Variants in PTPRT observed in about 807,000 individuals in gnomAD.
PTPRT encodes the protein receptor-type tyrosine-protein phosphatase T.
Under a neutral mutation model 176.8 loss-of-function variants are expected in PTPRT, and 56 were observed. The observed-to-expected ratio is 0.32, with a 90% CI of 0.26 to 0.40. The LOEUF (loss-of-function observed/expected upper bound fraction) is 0.40, where lower values mean the gene tolerates loss of function less well. PTPRT is among the 10% of genes least tolerant of loss of function. The pLI, the probability that PTPRT is intolerant of heterozygous loss-of-function variation, is 1.00. For synonymous variants in PTPRT, 783 were observed against 739.0 expected, an observed-to-expected ratio of 1.06 and a Z score of -0.96; for missense variants, 1,540 against 1,908.2, an observed-to-expected ratio of 0.81 and a Z score of 3.60.
intron 1 of PTPRT, among the ~76,000 whole-genome samples, chr20:43,101,242 T>C (rs2012381523): frequency 6.6e-6 from 1 of 152,112 alleles, no homozygotes. Context: ...CAGGATTTGC[T>C]GGGGGGAGAT....
intron 6 of PTPRT, among the ~76,000 whole-genome samples, chr20:42,755,839 T>C (rs978570351): frequency 6.6e-6 from 1 of 152,184 alleles, no homozygotes; most frequent in Non-Finnish European, 1.5e-5. Context: ...TTGGATGAGA[T>C]AGCATACGAT....
intron 4 of PTPRT, among the ~76,000 whole-genome samples, chr20:42,778,412 G>A (rs2077167805): frequency 1.3e-5 from 2 of 152,102 alleles, no homozygotes; most frequent in South Asian, 4.1e-4. Context: ...CAGGTAGAGA[G>A]ACTCATGCTA....
intron 11 of PTPRT, among the ~76,000 whole-genome samples, chr20:42,332,012 C>T (rs2057972103): frequency 6.6e-6 from 1 of 151,814 alleles, no homozygotes. Context: ...ATATTCTTCA[C>T]CACCTCATAC....
At chr20:43,055,502 T>C (rs1987200547) in intron 1 of PTPRT, among the ~76,000 whole-genome samples, 1 of 152,182 alleles carries the variant, frequency 6.6e-6, no homozygotes, top group African/African-American at 2.4e-5. Context: ...CTTCTAGTGA[T>C]TGTGGGCTGG....
intron 9 of PTPRT, among the ~76,000 whole-genome samples, chr20:42,384,823 C>T (rs1367190404): frequency 4.6e-5 from 7 of 152,186 alleles, no homozygotes; most frequent in Admixed American, 4.6e-4. Flanking sequence ...TTTTGATTTG[C>T]ACTTCCATGA....
chr20:42,568,086 A>T (rs2073078113), intron 7 of PTPRT, among the ~76,000 whole-genome samples: 1 of 151,324 alleles, frequency 6.6e-6, no homozygotes, highest in South Asian at 2.1e-4. Flanking sequence ...TCCCTGCCTC[A>T]GGCTCCCGAG....
At chr20:43,019,493 T>C (rs1985546976) in intron 1 of PTPRT, among the ~76,000 whole-genome samples, 2 of 151,512 alleles carry the variant, frequency 1.3e-5, no homozygotes, top group South Asian at 2.1e-4. Context: ...GTGGTGCATG[T>C]CTGTAATCCC....
At chr20:43,072,972 G>A (rs539128620) in intron 1 of PTPRT, among the ~76,000 whole-genome samples, 1 of 152,266 alleles carries the variant, frequency 6.6e-6, no homozygotes, top group East Asian at 1.9e-4. Flanking sequence ...CAAGGCAGAA[G>A]CTGATTTGAA....
intron 1 of PTPRT, among the ~76,000 whole-genome samples, chr20:43,185,112 T>C (rs946455794): frequency 1.3e-5 from 2 of 152,238 alleles, no homozygotes; most frequent in African/African-American, 2.4e-5. Flanking sequence ...TAAGATTTCA[T>C]GAGACACGCT....
chr20:42,052,189 C>G, the PTPRT span, among the ~76,000 whole-genome samples: 2 of 152,208 alleles, frequency 1.3e-5, no homozygotes, highest in Non-Finnish European at 2.9e-5. Flanking sequence ...GGGCACACAT[C>G]TATGCAGCAA....
At chr20:42,204,181 G>A (rs1444837855) in intron 15 of PTPRT, among the ~76,000 whole-genome samples, 1 of 152,118 alleles carries the variant, frequency 6.6e-6, no homozygotes, top group Non-Finnish European at 1.5e-5. Flanking sequence ...AAATATTTTG[G>A]GCGGTAACTT....
At chr20:42,764,225 G>C (rs1324852265) in intron 5 of PTPRT, among the ~76,000 whole-genome samples, 1 of 152,088 alleles carries the variant, frequency 6.6e-6, no homozygotes, top group Non-Finnish European at 1.5e-5. Flanking sequence ...AAAGCACTGG[G>C]GACATTTACA....
At chr20:43,108,113 G>C (rs2012697189) in intron 1 of PTPRT, among the ~76,000 whole-genome samples, 1 of 152,228 alleles carries the variant, frequency 6.6e-6, no homozygotes, top group Non-Finnish European at 1.5e-5. Flanking sequence ...CTATCCACCT[G>C]AGGATGGGTG....
At chr20:42,806,974 C>A (rs1031452222) in intron 2 of PTPRT, among the ~76,000 whole-genome samples, 2 of 152,188 alleles carry the variant, frequency 1.3e-5, no homozygotes, top group Admixed American at 1.3e-4. Flanking sequence ...CCACCTATAG[C>A]ACTGCACTTG....
chr20:43,180,818 T>A (rs1263280256), intron 1 of PTPRT, among the ~76,000 whole-genome samples: 5 of 152,150 alleles, frequency 3.3e-5, no homozygotes, highest in Admixed American at 3.3e-4. Flanking sequence ...TATTATATAT[T>A]CTAATATATA....
chr20:43,073,960 C>T (rs2011218154), intron 1 of PTPRT, among the ~76,000 whole-genome samples: 1 of 152,116 alleles, frequency 6.6e-6, no homozygotes, highest in Non-Finnish European at 1.5e-5. Context: ...CACTATGTTA[C>T]CCAGGCTGGT....
chr20:42,126,825 A>G (rs1987882253), intron 19 of PTPRT, among the ~76,000 whole-genome samples: 1 of 152,210 alleles, frequency 6.6e-6, no homozygotes, highest in Non-Finnish European at 1.5e-5. Context: ...GGCTGCTGGC[A>G]TGATGGATGT....
intron 7 of PTPRT, among the ~76,000 whole-genome samples, chr20:42,508,963 A>AGATATAAATTATATAATTTATATCT (rs2071903385): frequency 7.2e-6 from 1 of 138,316 alleles, no homozygotes; most frequent in Non-Finnish European, 1.5e-5. Context: ...TTTAATTTAT[A>AGATATAAATTATATAATTTATATCT]GATATAAATT....
rs115753694 is a variant in PTPRT at position 42,546,326 on chromosome 20, G to A, written c.1154-73764C>T. ...GTACAGAATGGCTGGATTGGTTACAGCTTGGCGTATGCATTATTTGAACAC... is the reference window on the plus strand; with the variant it reads ...GTACAGAATGGCTGGATTGGTTACAACTTGGCGTATGCATTATTTGAACAC... On this transcript the variant is annotated intron_variant, in intron 7 of 30. Transcript: ENST00000373187. Among the ~76,000 whole-genome samples, 565 of 152,252 alleles carry A rather than the reference G, an allele frequency of 3.7e-3. 6 individuals are homozygous for A. Among genetic ancestry groups the A allele is most frequent in the African/African-American group, 0.013 (540 of 41,558 alleles).
Sources: gnomAD v4.1 joint callset for allele counts (sites outside exome capture counted in the v4.1 genomes callset) on GRCh38, gnomAD v4.1.1 for gene constraint, MANE v1.5 for transcripts, NCBI Gene and HGNC (gene_info 2026-07-23, HGNC 2026-07-21) for gene names.